ABL1: variants seen among roughly 807,000 people sequenced by gnomAD.
ABL1 encodes the protein tyrosine-protein kinase ABL1.
ABL1 carries 11 observed loss-of-function variants against 94.7 expected under a neutral mutation model. The observed-to-expected ratio is 0.12, with a 90% confidence interval of 0.07 to 0.19. The LOEUF (loss-of-function observed/expected upper bound fraction) is 0.19. Among genes scored for constraint, ABL1 ranks in the 10% least tolerant of loss-of-function variants. The probability of loss-of-function intolerance (pLI) is 1.00; values close to 1 mark genes in which losing one functional copy is unlikely to be tolerated. For synonymous variants in ABL1, 656 were observed against 622.4 expected (o/e 1.05, Z -0.80); for missense variants, 1,082 against 1,489.4 (o/e 0.73, Z 4.50).
exon 1 of ABL1, chr9:130,714,138 C>G: frequency 2.1e-6 from 1 of 482,476 alleles, no homozygotes; most frequent in East Asian, 3.4e-5. Context: ...TTGCAAGTGT[C>G]AACCTAAAAA....
In ABL1 at chr9:130,863,272, G is replaced by T. The variant is rs900308881; in HGVS notation, c.822+237G>T. Among the ~76,000 whole-genome samples, 1 of 152,128 alleles carries T rather than the reference G, an allele frequency of 6.6e-6. No individual in the cohort carries two copies. The highest frequency in any genetic ancestry group is 1.5e-5 in the Non-Finnish European group (1 of 68,018). The stretch of plus-strand genomic sequence containing the variant: ...AGCTGACAAGCATGGAGGGGTTTTG[G>T]TGTAAAAAGATTAGTCATTTGGAGA... On this transcript the variant is annotated intron_variant, in intron 4 of 10. Coordinates refer to ENST00000318560, the MANE Select transcript of ABL1 (RefSeq NM_005157.6). This position sits in a 1 kb window ranked among gnomAD's most constrained non-coding sequence, Gnocchi z 4.3.
intron 1 of ABL1, among the ~76,000 whole-genome samples, chr9:130,768,614 G>C (rs1832213778): frequency 6.6e-6 from 1 of 152,194 alleles, no homozygotes; most frequent in African/African-American, 2.4e-5. Flanking sequence ...TTACCTGATG[G>C]CCAAGGCTCT....
intron 1 of ABL1, among the ~76,000 whole-genome samples, chr9:130,786,128 G>A (rs1829822483): frequency 6.6e-6 from 1 of 152,172 alleles, no homozygotes; most frequent in African/African-American, 2.4e-5. Context: ...AAGGAGCTGG[G>A]GGAACGCCCA....
chr9:130,851,994 G>A (rs1444985342), intron 1 of ABL1, among the ~76,000 whole-genome samples: 1 of 151,878 alleles, frequency 6.6e-6, no homozygotes, highest in Non-Finnish European at 1.5e-5. Context: ...GGCCAGGCTG[G>A]TCTCGAACTC....
At chr9:130,723,115 G>A (rs535607052) in intron 1 of ABL1, among the ~76,000 whole-genome samples, 1 of 152,326 alleles carries the variant, frequency 6.6e-6, no homozygotes, top group African/African-American at 2.4e-5. Context: ...TGGCTACTGA[G>A]GATGGGCTTC....
At chr9:130,859,918 A>G (rs1482985289) in intron 3 of ABL1, among the ~76,000 whole-genome samples, 3 of 151,688 alleles carry the variant, frequency 2.0e-5, no homozygotes, top group Non-Finnish European at 2.9e-5. Context: ...TGACCTCGTG[A>G]TCTGCCCTCC....
chr9:130,821,325 T>A (rs1245318689), intron 1 of ABL1, among the ~76,000 whole-genome samples: 1 of 152,140 alleles, frequency 6.6e-6, no homozygotes, highest in Non-Finnish European at 1.5e-5. Context: ...CAGGCGACCA[T>A]TCATTTGCTT....
chr9:130,854,376 G>A, intron 2 of ABL1, 139 bp downstream of exon 2: 2 of 966,296 alleles, frequency 2.1e-6, no homozygotes, highest in Non-Finnish European at 3.0e-6. Context: ...ACAACTGCAT[G>A]TTTCTAAGGG....
At chr9:130,730,023 G>A (rs531761472) in intron 1 of ABL1, among the ~76,000 whole-genome samples, 9 of 141,826 alleles carry the variant, frequency 6.3e-5, no homozygotes, top group Non-Finnish European at 1.2e-4. Context: ...GATTACAGGC[G>A]TGAGCCACTG....
At chr9:130,750,851 TAGTC>T (rs1052507549) in intron 1 of ABL1, among the ~76,000 whole-genome samples, 2 of 151,626 alleles carry the variant, frequency 1.3e-5, no homozygotes, top group Non-Finnish European at 2.9e-5. Flanking sequence ...TTCACCATGT[TAGTC>T]AGGCTGGTCT....
intron 1 of ABL1, among the ~76,000 whole-genome samples, chr9:130,818,866 A>G (rs1426240926): frequency 6.6e-6 from 1 of 152,222 alleles, no homozygotes; most frequent in African/African-American, 2.4e-5. Context: ...TTCTTTCACT[A>G]TATCTGCATT....
intron 1 of ABL1, among the ~76,000 whole-genome samples, chr9:130,850,736 A>G (rs572192522): frequency 1.8e-4 from 27 of 152,014 alleles, no homozygotes; most frequent in African/African-American, 6.3e-4. Context: ...TAAACTCCTG[A>G]CCTCAGGTGA....
chr9:130,880,548 C>T lies in ABL1; in HGVS notation c.1562C>T (p.Thr521Ile), dbSNP rs1831434159. Residue 521 changes from threonine (T) to isoleucine (I), a missense_variant, in exon 10 of 11, where the codon ACC (threonine) becomes ATC (isoleucine). Physicochemically the swap from Thr to Ile is moderately conservative, Grantham distance 89. This residue lies in a region of ABL1 where 780 missense variants were observed against 835.8 expected (regional missense o/e 0.93). Coordinates refer to ENST00000318560, the MANE Select transcript of ABL1 (RefSeq NM_005157.6). The surrounding 1 kb of genome is among the most constrained non-coding windows in gnomAD (Gnocchi z 4.4). ...CAAGGCGTCCGTGGGGCTGTGAGTA[C>T]CTTGCTGCAGGCCCCAGAGCTGCCC... is the stretch of plus-strand genomic sequence containing the variant. Reference protein sequence around the residue: ...GKQGVRGAVSTLLQAPELPTK... With the variant: ...GKQGVRGAVSILLQAPELPTK... The T allele has an allele frequency of 1.9e-6, 3 of 1,613,908 alleles. No homozygotes were observed. Among genetic ancestry groups the T allele is most frequent in the Non-Finnish European group, 2.5e-6 (3 of 1,179,914 alleles).
intron 1 of ABL1, among the ~76,000 whole-genome samples, chr9:130,768,629 G>C (rs1044467492): frequency 7.2e-5 from 11 of 152,210 alleles, no homozygotes; most frequent in Admixed American, 7.2e-4. Context: ...GGCTCTGTCT[G>C]ACCCTGTCTG....
exon 1 of ABL1, chr9:130,713,938 CCTT>C (rs1831404096): frequency 4.2e-6 from 1 of 236,742 alleles, no homozygotes; most frequent in Non-Finnish European, 8.3e-6. Context: ...ATCAGCGTTT[CCTT>C]TATGTGTGAG....
rs1266404154 is a variant in ABL1, at chr9:130,887,645, T to A, written c.*1962T>A. ...GAATCCAAATCTGTCCTCTGTAGTATTTTTTAAATAAATCAGTGTTTACAT... is the reference window on the plus strand; with the variant it reads ...GAATCCAAATCTGTCCTCTGTAGTAATTTTTAAATAAATCAGTGTTTACAT... On this transcript the variant is annotated 3_prime_UTR_variant, in exon 11 of 11. Coordinates refer to ENST00000318560, the MANE Select transcript of ABL1 (RefSeq NM_005157.6). 4 of 226,212 alleles carry A rather than the reference T, an allele frequency of 1.8e-5. No individual in the cohort carries two copies. The highest frequency in any genetic ancestry group is 2.7e-3 in the Middle Eastern group (2 of 738). 14.0% of individuals were successfully genotyped at this position (226,212 alleles called of 1,614,324 possible). A position where few individuals can be genotyped will look rare whatever the true frequency, so the allele number is the denominator to read the frequency against.
chr9:130,829,445 C>T (rs989168545), intron 1 of ABL1, among the ~76,000 whole-genome samples: 4 of 151,882 alleles, frequency 2.6e-5, no homozygotes, highest in Non-Finnish European at 5.9e-5. Flanking sequence ...CCCTGTAGTC[C>T]GAGCTACTCG....
At chr9:130,739,052 G>A (rs1456879240) in intron 1 of ABL1, among the ~76,000 whole-genome samples, 1 of 152,058 alleles carries the variant, frequency 6.6e-6, no homozygotes, top group South Asian at 2.1e-4. Context: ...CACCATGCCC[G>A]GCTAATTTTT....
At chr9:130,804,854 T>G (rs1225501840) in intron 1 of ABL1, among the ~76,000 whole-genome samples, 1 of 152,186 alleles carries the variant, frequency 6.6e-6, no homozygotes, top group Non-Finnish European at 1.5e-5. Context: ...TAAGCTAATA[T>G]TAACTTCTAT....
Sources: gnomAD v4.1 joint callset for allele counts (sites outside exome capture counted in the v4.1 genomes callset) on GRCh38, gnomAD v4.1.1 for gene constraint, gnomAD v4.1.1 regional missense constraint, Gnocchi (gnomAD v3.1) non-coding constraint, MANE v1.5 for transcripts, NCBI Gene and HGNC (gene_info 2026-07-23, HGNC 2026-07-21) for gene names.